GLYATL1: variants seen among roughly 807,000 people sequenced by gnomAD.
The protein encoded by GLYATL1 is glycine N-acyltransferase-like protein 1.
GLYATL1 carries 15 observed loss-of-function variants against 20.0 expected under a neutral mutation model. That is an observed-to-expected ratio of 0.75 (90% CI 0.50 to 1.15). The LOEUF (loss-of-function observed/expected upper bound fraction) is 1.15. GLYATL1 is among the 50% of genes most tolerant of loss of function. The pLI, the probability that GLYATL1 is intolerant of heterozygous loss-of-function variation, is 0.00. For missense variants in GLYATL1, 380 were observed against 368.5 expected (o/e 1.03, Z -0.26); for synonymous variants, 151 against 131.5 (o/e 1.15, Z -1.01).
At chr11:58,912,519 G>T (rs1037357542), downstream of GLYATL1, among the ~76,000 whole-genome samples, 1 of 152,144 alleles carries the variant, frequency 6.6e-6, no homozygotes, top group African/African-American at 2.4e-5. Flanking sequence ...CCAGACAAAA[G>T]CTCTGCACAG....
At chr11:58,929,139 C>T (rs1407204766) in intron 1 of GLYATL1, among the ~76,000 whole-genome samples, 1 of 152,230 alleles carries the variant, frequency 6.6e-6, no homozygotes, top group East Asian at 1.9e-4. Flanking sequence ...AACAATCCAG[C>T]ACAATGGTGA....
intron 3 of GLYATL1, 63 bp from the exon 4 acceptor site, chr11:58,947,795 C>A: frequency 1.8e-6 from 2 of 1,135,050 alleles, no homozygotes; most frequent in Non-Finnish European, 2.7e-6. Context: ...TCTTCCTCTT[C>A]ACAACCAGAT....
downstream of GLYATL1, among the ~76,000 whole-genome samples, chr11:58,912,226 T>C (rs1278428254): frequency 6.6e-6 from 1 of 152,204 alleles, no homozygotes; most frequent in Non-Finnish European, 1.5e-5. Context: ...AGGGGCAATG[T>C]GACTTGTGCA....
At chr11:58,951,326 AT>A (rs1856978664) in intron 4 of GLYATL1, among the ~76,000 whole-genome samples, 3 of 152,078 alleles carry the variant, frequency 2.0e-5, no homozygotes, top group Admixed American at 2.0e-4. Flanking sequence ...TGAAATATAA[AT>A]GTCTATTTTG....
intron 3 of GLYATL1, chr11:58,947,403 C>T (rs921653371): frequency 1.4e-5 from 8 of 560,180 alleles, no homozygotes; most frequent in South Asian, 2.5e-5. Flanking sequence ...ATGGTGGCTA[C>T]GAACATGGTT....
downstream of GLYATL1, among the ~76,000 whole-genome samples, chr11:58,910,973 TC>T (rs1855025799): frequency 6.6e-6 from 1 of 152,160 alleles, no homozygotes; most frequent in Non-Finnish European, 1.5e-5. Context: ...TTCCCTGTGC[TC>T]CCCACTTATC....
chr11:58,943,150 C>A, intron 1 of GLYATL1: 1 of 996,982 alleles, frequency 1.0e-6, no homozygotes. Flanking sequence ...GGACTCTGTA[C>A]TTCTTCATTT....
intron 1 of GLYATL1, among the ~76,000 whole-genome samples, chr11:58,917,529 TA>T (rs2135107230): frequency 6.6e-6 from 1 of 152,356 alleles, no homozygotes; most frequent in South Asian, 2.1e-4. Context: ...GACAGGTGTA[TA>T]ACTCAGGATT....
chr11:58,952,323 C>A (rs1015925901), intron 4 of GLYATL1, among the ~76,000 whole-genome samples: 2 of 152,064 alleles, frequency 1.3e-5, no homozygotes, highest in African/African-American at 4.8e-5. Flanking sequence ...TTTCTAAAAC[C>A]AACTGTTCAT....
chr11:58,924,064 C>G (rs1410709826), upstream of GLYATL1, among the ~76,000 whole-genome samples: 2 of 152,200 alleles, frequency 1.3e-5, no homozygotes, highest in Admixed American at 6.5e-5. Flanking sequence ...CACTGATACT[C>G]TGTTTTGCCA....
chr11:58,917,961 T>G (rs548567330), intron 1 of GLYATL1, among the ~76,000 whole-genome samples: 1 of 152,268 alleles, frequency 6.6e-6, no homozygotes, highest in East Asian at 1.9e-4. Flanking sequence ...TTAAATTTTA[T>G]TTTTCTTTCT....
upstream of GLYATL1, among the ~76,000 whole-genome samples, chr11:58,938,826 G>C (rs1363804843): frequency 6.6e-6 from 1 of 152,160 alleles, no homozygotes; most frequent in African/African-American, 2.4e-5. Flanking sequence ...GGTCTGAAAG[G>C]CTGATGCAAA....
chr11:58,941,504 C>T (rs546837323), intron 1 of GLYATL1, among the ~76,000 whole-genome samples: 4 of 152,196 alleles, frequency 2.6e-5, no homozygotes, highest in African/African-American at 7.2e-5. Context: ...AATAAACATA[C>T]GTGTGCATGT....
chr11:58,918,385 C>T (rs928754593), intron 1 of GLYATL1, among the ~76,000 whole-genome samples: 3 of 152,168 alleles, frequency 2.0e-5, no homozygotes, highest in African/African-American at 7.2e-5. Context: ...TCATTGATTT[C>T]TAGGCAGCAA....
At chr11:58,936,267 A>C (rs1005798754), upstream of GLYATL1, among the ~76,000 whole-genome samples, 2 of 152,244 alleles carry the variant, frequency 1.3e-5, no homozygotes, top group Admixed American at 1.3e-4. Flanking sequence ...ATTCATGATG[A>C]GATATCTGGA....
upstream of GLYATL1, among the ~76,000 whole-genome samples, chr11:58,937,088 A>G (rs1423356531): frequency 2.0e-5 from 3 of 152,174 alleles, no homozygotes; most frequent in Non-Finnish European, 4.4e-5. Flanking sequence ...TTTCTACCAT[A>G]AAGAACCTGT....
At chr11:58,911,972 T>G (rs895686740), downstream of GLYATL1, among the ~76,000 whole-genome samples, 4 of 152,222 alleles carry the variant, frequency 2.6e-5, no homozygotes, top group African/African-American at 9.6e-5. Flanking sequence ...GTGATTGATT[T>G]AAGTTTTTTT....
chr11:58,934,702 A>G (rs512676), upstream of GLYATL1: 147,261 of 152,794 alleles, frequency 0.96, 71,177 homozygotes, highest in East Asian at 1. Context: ...TGGGTCTGCT[A>G]GAGGATGGGA....
chr11:58,937,234 T>C (rs1278259525), upstream of GLYATL1, among the ~76,000 whole-genome samples: 1 of 152,148 alleles, frequency 6.6e-6, no homozygotes, highest in Non-Finnish European at 1.5e-5. Flanking sequence ...AACCCCTCCC[T>C]GAGTGTCCAG....
Sources: gnomAD v4.1 joint callset for allele counts (sites outside exome capture counted in the v4.1 genomes callset) on GRCh38, gnomAD v4.1.1 for gene constraint, MANE v1.5 for transcripts, NCBI Gene and HGNC (gene_info 2026-07-23, HGNC 2026-07-21) for gene names.